PRKG1: variants seen among roughly 807,000 people sequenced by gnomAD.
PRKG1 encodes protein kinase cGMP-dependent 1, also known as cGMP-dependent protein kinase 1.
Under a neutral mutation model 88.1 loss-of-function variants are expected in PRKG1, and 35 were observed. The ratio of observed to expected loss-of-function variants is 0.40; its 90% CI spans 0.30 to 0.53. The LOEUF (loss-of-function observed/expected upper bound fraction) is 0.53. Ranked by LOEUF, PRKG1 falls within the 20% of genes least tolerant of loss-of-function variation. The pLI, the probability that PRKG1 is intolerant of heterozygous loss-of-function variation, is 0.59. For synonymous variants in PRKG1, 303 were observed against 292.5 expected, an observed-to-expected ratio of 1.04 and a Z score of -0.37; for missense variants, 540 against 839.8, an observed-to-expected ratio of 0.64 and a Z score of 4.41.
Position 52,251,576 on chromosome 10 carries a change from A to C in PRKG1, c.1083A>C (p.Glu361Asp), listed in dbSNP as rs1346939466. The change falls in exon 10 of 18, where the codon GAA (glutamate) becomes GAC (aspartate). Residue 361 changes from glutamate (E) to aspartate (D), a missense_variant. Glu to Asp is a conservative substitution (Grantham distance 45). Around this residue, in one of 5 missense-constraint regions of PRKG1, gnomAD observed 400 missense variants for 562.7 expected, o/e 0.71. Transcript: ENST00000373980. ...TTCACATCAAAAAATCCAGATATGA[A>C]GCTGAAGCGGCTTTCTTCGCCAACC... ...YEDAEAKAKY[E>D]AEAAFFANLK... The C allele has an allele frequency of 2.5e-6, 4 of 1,613,416 alleles. No homozygotes were observed. The highest frequency in any genetic ancestry group is 3.4e-6 in the Non-Finnish European group (4 of 1,179,502).
chr10:52,012,522 G>C (rs112003899), intron 5 of PRKG1, among the ~76,000 whole-genome samples: 3 of 151,990 alleles, frequency 2.0e-5, no homozygotes, highest in African/African-American at 7.2e-5. Context: ...GATTACAGGC[G>C]TGAGCCACCG....
chr10:51,132,418 TAA>T (rs1845587486), intron 1 of PRKG1, among the ~76,000 whole-genome samples: 1 of 152,146 alleles, frequency 6.6e-6, no homozygotes, highest in Admixed American at 6.6e-5. Context: ...ATAAGATTAG[TAA>T]AAGACACTGA....
At chr10:51,520,863 T>G (rs1841719086) in intron 3 of PRKG1, among the ~76,000 whole-genome samples, 2 of 152,212 alleles carry the variant, frequency 1.3e-5, no homozygotes, top group Non-Finnish European at 2.9e-5. Flanking sequence ...GTATTACTTA[T>G]GAAAAACATG....
intron 9 of PRKG1, among the ~76,000 whole-genome samples, chr10:52,190,602 T>G (rs1412738572): frequency 6.6e-6 from 1 of 152,196 alleles, no homozygotes; most frequent in Non-Finnish European, 1.5e-5. Flanking sequence ...TATGGAGGTT[T>G]AAGTCTATGT....
chr10:51,698,454 G>A (rs766879975), intron 3 of PRKG1: 2 of 1,614,176 alleles, frequency 1.2e-6, no homozygotes, highest in East Asian at 2.2e-5. Context: ...CCAGAGGCAT[G>A]ATGCATGGGG....
At chr10:52,131,412 T>C (rs1452942223) in intron 7 of PRKG1, among the ~76,000 whole-genome samples, 1 of 152,096 alleles carries the variant, frequency 6.6e-6, no homozygotes, top group East Asian at 1.9e-4. Context: ...CAATTCATGA[T>C]GGCATCCCTG....
intron 4 of PRKG1, among the ~76,000 whole-genome samples, chr10:51,838,809 G>A (rs1454876457): frequency 6.6e-6 from 1 of 152,120 alleles, no homozygotes; most frequent in African/African-American, 2.4e-5. Context: ...AGCCTAATGG[G>A]AAGTGATGGG....
intron 4 of PRKG1, among the ~76,000 whole-genome samples, chr10:51,886,692 C>T (rs1322813718): frequency 1.3e-5 from 2 of 152,152 alleles, no homozygotes; most frequent in Non-Finnish European, 2.9e-5. Context: ...ATAGGTTTAA[C>T]CATGCTGTAA....
intron 9 of PRKG1, among the ~76,000 whole-genome samples, chr10:52,199,393 T>A (rs1017477886): frequency 1.3e-5 from 2 of 152,120 alleles, no homozygotes; most frequent in Non-Finnish European, 2.9e-5. Context: ...AGATCATACT[T>A]GCTATGTATT....
At chr10:51,968,182 G>A (rs1355296981) in intron 5 of PRKG1, among the ~76,000 whole-genome samples, 1 of 152,164 alleles carries the variant, frequency 6.6e-6, no homozygotes, top group Non-Finnish European at 1.5e-5. Context: ...AGACCCATGA[G>A]TTGGAATCTG....
chr10:51,285,969 A>ATTAT (rs3060341), intron 2 of PRKG1, among the ~76,000 whole-genome samples: 37,625 of 150,874 alleles, frequency 0.25, 4,744 homozygotes, highest in Admixed American at 0.37. Context: ...TTATTTATTT[A>ATTAT]TTATTTATTT....
intron 7 of PRKG1, among the ~76,000 whole-genome samples, chr10:52,119,699 C>T (rs964798097): frequency 6.6e-6 from 1 of 152,174 alleles, no homozygotes; most frequent in Non-Finnish European, 1.5e-5. Flanking sequence ...ATGACACAAC[C>T]TGTCTTGTCC....
chr10:51,253,512 A>G (rs532513773), intron 2 of PRKG1, among the ~76,000 whole-genome samples: 1 of 152,026 alleles, frequency 6.6e-6, no homozygotes, highest in Non-Finnish European at 1.5e-5. Flanking sequence ...AAAGAGTTTT[A>G]TTTAAACTCT....
At chr10:52,271,576 A>T in intron 11 of PRKG1, 87 bp downstream of exon 11, 1 of 1,410,182 alleles carries the variant, frequency 7.1e-7, no homozygotes, top group Admixed American at 2.3e-5. Context: ...CTCACTGTTA[A>T]CACATTTCGT....
intron 1 of PRKG1, among the ~76,000 whole-genome samples, chr10:51,129,209 C>G (rs539934259): frequency 2.6e-5 from 4 of 152,266 alleles, no homozygotes; most frequent in African/African-American, 9.6e-5. Flanking sequence ...GGTGTGGTGG[C>G]TCATGCCTAT....
chr10:51,224,425 T>C (rs1227553786), intron 2 of PRKG1, among the ~76,000 whole-genome samples: 2 of 152,276 alleles, frequency 1.3e-5, no homozygotes, highest in African/African-American at 4.8e-5. Flanking sequence ...TGTCTAGCAA[T>C]GAATATTTAT....
intron 5 of PRKG1, among the ~76,000 whole-genome samples, chr10:52,048,837 C>T (rs933606560): frequency 2.6e-5 from 4 of 152,022 alleles, no homozygotes; most frequent in African/African-American, 7.2e-5. Context: ...TTTATAACTC[C>T]GTTTTCTTAT....
intron 4 of PRKG1, among the ~76,000 whole-genome samples, chr10:51,853,478 A>G (rs747729206): frequency 6.6e-6 from 1 of 152,158 alleles, no homozygotes; most frequent in Non-Finnish European, 1.5e-5. Context: ...CATTATAATC[A>G]TAGCACACGT....
At chr10:51,656,825 C>T (rs903896474) in intron 3 of PRKG1, among the ~76,000 whole-genome samples, 4 of 152,126 alleles carry the variant, frequency 2.6e-5, no homozygotes, top group African/African-American at 9.7e-5. Flanking sequence ...GACTCCTTAT[C>T]ATTTGCCTTC....
Sources: gnomAD v4.1 joint callset for allele counts (sites outside exome capture counted in the v4.1 genomes callset) on GRCh38, gnomAD v4.1.1 for gene constraint, gnomAD v4.1.1 regional missense constraint, MANE v1.5 for transcripts, NCBI Gene and HGNC (gene_info 2026-07-23, HGNC 2026-07-21) for gene names.